Variants in ARHGEF26 observed in about 807,000 individuals in gnomAD.
ARHGEF26 encodes the protein Rho guanine nucleotide exchange factor (GEF) 26.
ARHGEF26 carries 59 observed loss-of-function variants against 89.4 expected under a neutral mutation model. That is an observed-to-expected ratio of 0.66 (90% confidence interval 0.54 to 0.82). ARHGEF26 has a LOEUF of 0.82. Among genes scored for constraint, ARHGEF26 ranks in the 40% least tolerant of loss-of-function variants. ARHGEF26 has a pLI of 0.00. For synonymous variants in ARHGEF26, 500 were observed against 428.4 expected (o/e 1.17, Z -2.06); for missense variants, 1,234 against 1,085.6 (o/e 1.14, Z -1.92).
At chr3:154,123,175 C>A (rs1047354183) in intron 2 of ARHGEF26, 100 bp downstream of exon 2, 1 of 1,492,082 alleles carries the variant, frequency 6.7e-7, no homozygotes, top group Non-Finnish European at 9.0e-7. Context: ...AGAAGTCATT[C>A]CGTTTTAATT....
At chr3:154,154,719 A>T (rs1371605407) in intron 6 of ARHGEF26, among the ~76,000 whole-genome samples, 1 of 152,016 alleles carries the variant, frequency 6.6e-6, no homozygotes, top group Non-Finnish European at 1.5e-5. Flanking sequence ...ATGTAACAAC[A>T]TATATTAGAG....
chr3:154,121,973 G>T lies in ARHGEF26; in HGVS notation c.-20G>T. 1.9e-6 allele frequency: 3 copies of T among 1,572,496 alleles called. No individual in the cohort carries two copies. Among genetic ancestry groups the T allele is most frequent in the Admixed American group, 3.5e-5 (2 of 56,814 alleles). On this transcript the variant is annotated 5_prime_UTR_variant, in exon 2 of 15. Transcript: ENST00000465093. ...CTAACTCGGTGTTGCTCCTCCCGGC[G>T]CTGACTTCGAGGCCCGGCTATGGAC...
At position 154,240,244 on chromosome 3, in the gene ARHGEF26, TAA is replaced by T. The variant is rs1717405439; in HGVS notation, c.2091-125_2091-124del. ...TCAAATTCCAATTCATAGTTTAAAA[TAA>T]GTCATTCTTTCCCTCTCCTTCCTGC... On this transcript the variant is annotated intron_variant, in intron 11 of 14. Coordinates refer to ENST00000465093, the MANE Select transcript of ARHGEF26 (RefSeq NM_015595.4). The T allele has an allele frequency of 2.3e-5, 15 of 644,842 alleles. No individual in the cohort carries two copies. The South Asian group carries it at 3.1e-4, about 13-fold the overall frequency. The allele number at this position is 644,842 out of a possible 1,614,324, so 39.9% of individuals were successfully genotyped here.
At chr3:154,246,955 G>T (rs1237692717) in intron 12 of ARHGEF26, among the ~76,000 whole-genome samples, 1 of 152,138 alleles carries the variant, frequency 6.6e-6, no homozygotes, top group Non-Finnish European at 1.5e-5. Context: ...TAGTTGAGTT[G>T]TTTCTTAATC....
intron 4 of ARHGEF26, among the ~76,000 whole-genome samples, chr3:154,148,504 A>G (rs1719823010): frequency 6.6e-6 from 1 of 152,290 alleles, no homozygotes; most frequent in South Asian, 2.1e-4. Context: ...TTAATTCCTC[A>G]GTAAAGTAGC....
At chr3:154,146,894 CA>C (rs1559860686) in intron 4 of ARHGEF26, among the ~76,000 whole-genome samples, 1 of 152,146 alleles carries the variant, frequency 6.6e-6, no homozygotes, top group African/African-American at 2.4e-5. Context: ...TATACAAAAT[CA>C]AGAACCTCAC....
chr3:154,138,836 G>T (rs1260029056), intron 4 of ARHGEF26, among the ~76,000 whole-genome samples: 1 of 152,210 alleles, frequency 6.6e-6, no homozygotes, highest in Non-Finnish European at 1.5e-5. Context: ...CCTGGAGATA[G>T]AGCAAGAACA....
At chr3:154,129,167 C>T (rs540587060) in intron 3 of ARHGEF26, among the ~76,000 whole-genome samples, 2 of 152,104 alleles carry the variant, frequency 1.3e-5, no homozygotes, top group South Asian at 4.2e-4. Flanking sequence ...CTTTTGTTTT[C>T]CATTTTACTC....
At chr3:154,167,234 G>T (rs1712100923) in intron 6 of ARHGEF26, among the ~76,000 whole-genome samples, 1 of 152,162 alleles carries the variant, frequency 6.6e-6, no homozygotes, top group South Asian at 2.1e-4. Flanking sequence ...CACCTACTGT[G>T]TACCAGGCAC....
In ARHGEF26 at chr3:154,194,717, A is replaced by C. The variant is rs746026158; in HGVS notation, c.1844A>C (p.Lys615Thr). ...VCKRALKEVS[K>T]LVRLCNEGAR... ...AAAAGAGCCTTGAAGGAAGTTAGCA[A>C]GGTAACTGTTGGGTGACAGTTTGTT... is the stretch of plus-strand genomic sequence containing the variant. Residue 615 changes from lysine to threonine, a missense_variant and splice_region_variant, in exon 9 of 15, where the codon AAG becomes ACG. By Grantham distance (78) the Lys-to-Thr change is moderately conservative. Transcript: ENST00000465093. 2.5e-6 allele frequency: 4 copies of C among 1,611,024 alleles called. No individual in the cohort carries two copies. The highest frequency in any genetic ancestry group is 1.7e-5 in the Admixed American group (1 of 59,696).
At chr3:154,224,551 T>C (rs1409811235) in intron 10 of ARHGEF26, among the ~76,000 whole-genome samples, 1 of 152,234 alleles carries the variant, frequency 6.6e-6, no homozygotes, top group Non-Finnish European at 1.5e-5. Context: ...CTGTGTTTCC[T>C]GTAATTCCGG....
chr3:154,208,653 TCTGA>T (rs879615314), intron 9 of ARHGEF26, among the ~76,000 whole-genome samples: 1 of 151,970 alleles, frequency 6.6e-6, no homozygotes, highest in African/African-American at 2.4e-5. Context: ...TGTTATCTCC[TCTGA>T]CTGTGTATTT....
intron 4 of ARHGEF26, among the ~76,000 whole-genome samples, chr3:154,131,404 T>G (rs1320247891): frequency 6.6e-6 from 1 of 152,236 alleles, no homozygotes; most frequent in Non-Finnish European, 1.5e-5. Context: ...AGTTTGTAAC[T>G]TCTGTGATAT....
At chr3:154,130,683 C>G (rs772271507) in intron 4 of ARHGEF26, among the ~76,000 whole-genome samples, 6 of 152,072 alleles carry the variant, frequency 3.9e-5, no homozygotes, top group African/African-American at 7.3e-5. Context: ...AGTTTGGGCA[C>G]AGCATTTGCG....
chr3:154,227,989 AGAATTAAG>A (rs1361318043), intron 11 of ARHGEF26, among the ~76,000 whole-genome samples: 2 of 152,256 alleles, frequency 1.3e-5, no homozygotes, highest in Admixed American at 1.3e-4. Context: ...ATTGAAAGTC[AGAATTAAG>A]GTATATGCTC....
intron 4 of ARHGEF26, among the ~76,000 whole-genome samples, chr3:154,138,694 T>C (rs2108068786): frequency 6.6e-6 from 1 of 152,326 alleles, no homozygotes; most frequent in Middle Eastern, 3.4e-3. Context: ...ATGTTTCAAC[T>C]ACAAACCTAC....
At chr3:154,165,315 C>T (rs1711946574) in intron 6 of ARHGEF26, among the ~76,000 whole-genome samples, 1 of 151,754 alleles carries the variant, frequency 6.6e-6, no homozygotes, top group Admixed American at 6.6e-5. Context: ...ATTATTTTAC[C>T]ACTGTTTTAA....
chr3:154,233,555 G>A (rs1048474376), intron 11 of ARHGEF26, among the ~76,000 whole-genome samples: 3 of 152,196 alleles, frequency 2.0e-5, no homozygotes, highest in Non-Finnish European at 4.4e-5. Flanking sequence ...GTGCTACTGG[G>A]GGGGAATGTC....
At chr3:154,250,503 G>A (rs1035106111) in intron 12 of ARHGEF26, among the ~76,000 whole-genome samples, 1 of 152,206 alleles carries the variant, frequency 6.6e-6, no homozygotes. Context: ...ATGTCTAAGA[G>A]ATGCTATTAG....
Sources: allele counts gnomAD v4.1 joint callset (sites outside exome capture counted in the v4.1 genomes callset), GRCh38; gene constraint gnomAD v4.1.1; transcripts MANE v1.5; gene names NCBI Gene and HGNC (gene_info 2026-07-23, HGNC 2026-07-21).